DIP2C: variants seen among roughly 807,000 people sequenced by gnomAD.
The protein encoded by DIP2C is DIP2 acetate--CoA ligase C (putative).
DIP2C carries 33 observed loss-of-function variants against 192.4 expected under a neutral mutation model. The ratio of observed to expected loss-of-function variants is 0.17; its 90% CI spans 0.13 to 0.23. The LOEUF is 0.23. Ranked by LOEUF, DIP2C falls within the 10% of genes least tolerant of loss-of-function variation. The pLI, the probability that DIP2C is intolerant of heterozygous loss-of-function variation, is 1.00. For synonymous variants in DIP2C, 979 were observed against 864.1 expected, an observed-to-expected ratio of 1.13 and a Z score of -2.33; for missense variants, 1,537 against 2,110.1, an observed-to-expected ratio of 0.73 and a Z score of 5.32.
chr10:343,557 A>C (rs10795023), intron 28 of DIP2C, among the ~76,000 whole-genome samples: 2 of 152,234 alleles, frequency 1.3e-5, no homozygotes, highest in African/African-American at 2.4e-5. Flanking sequence ...AATTATTATA[A>C]AATGTAAAAT....
intron 1 of DIP2C, among the ~76,000 whole-genome samples, chr10:684,512 G>A (rs1831242239): frequency 6.6e-6 from 1 of 152,192 alleles, no homozygotes; most frequent in Non-Finnish European, 1.5e-5. Flanking sequence ...TCTTTTCAAT[G>A]AAAATAATGT....
At chr10:543,352 A>G (rs886147984) in intron 1 of DIP2C, among the ~76,000 whole-genome samples, 2 of 152,246 alleles carry the variant, frequency 1.3e-5, no homozygotes, top group African/African-American at 4.8e-5. Context: ...AGAAATGGGT[A>G]ACCCTGTTAG....
chr10:658,117 C>T (rs1856509645), intron 1 of DIP2C, among the ~76,000 whole-genome samples: 1 of 140,866 alleles, frequency 7.1e-6, no homozygotes, highest in African/African-American at 2.8e-5. Context: ...GGACCTGCCC[C>T]TGGACCTGCC....
chr10:663,677 T>C (rs1326749326), intron 1 of DIP2C: 1 of 152,248 alleles, frequency 6.6e-6, no homozygotes, highest in Non-Finnish European at 1.5e-5. Context: ...ATCCGGAAGC[T>C]TGTCTACTCG....
At chr10:330,977 A>G (rs1191611800) in intron 29 of DIP2C, among the ~76,000 whole-genome samples, 2 of 72,854 alleles carry the variant, frequency 2.7e-5, no homozygotes, top group African/African-American at 1.1e-4. Context: ...ATGCCTGGCT[A>G]ATTTTTTTTT....
chr10:456,683 G>A (rs1194936218), intron 3 of DIP2C, among the ~76,000 whole-genome samples: 1 of 152,190 alleles, frequency 6.6e-6, no homozygotes, highest in Non-Finnish European at 1.5e-5. Flanking sequence ...CCTGTCCACG[G>A]CCACCGTTTG....
chr10:359,595 C>T (rs930417470), intron 22 of DIP2C, among the ~76,000 whole-genome samples: 11 of 152,318 alleles, frequency 7.2e-5, no homozygotes, highest in African/African-American at 2.2e-4. Context: ...AGCCTTTTCA[C>T]ATTTAGCAAA....
intron 31 of DIP2C, among the ~76,000 whole-genome samples, chr10:310,822 C>A (rs1956536584): frequency 6.6e-6 from 1 of 152,142 alleles, no homozygotes; most frequent in Non-Finnish European, 1.5e-5. Flanking sequence ...ACGAAGGCTG[C>A]ATTACAAACC....
intron 22 of DIP2C, 67 bp downstream of exon 22, chr10:362,423 C>A: frequency 2.0e-6 from 3 of 1,536,992 alleles, no homozygotes; most frequent in Admixed American, 1.9e-5. Flanking sequence ...AACTCCCGCA[C>A]CTCCCAGTGC....
chr10:657,007 C>T (rs1182800829), intron 1 of DIP2C, among the ~76,000 whole-genome samples: 1 of 152,210 alleles, frequency 6.6e-6, no homozygotes, highest in Non-Finnish European at 1.5e-5. Context: ...GGAGTGGGTA[C>T]ATTTTCACAT....
chr10:554,274 TG>T (rs1431621161), intron 1 of DIP2C, among the ~76,000 whole-genome samples: 1 of 152,138 alleles, frequency 6.6e-6, no homozygotes, highest in East Asian at 1.9e-4. Context: ...TGCTTGTAAC[TG>T]TAAGAGTGGT....
intron 21 of DIP2C, among the ~76,000 whole-genome samples, chr10:362,970 T>TCC (rs1170552850): frequency 6.6e-6 from 1 of 152,068 alleles, no homozygotes; most frequent in African/African-American, 2.4e-5. Flanking sequence ...TACTTCGACC[T>TCC]CCCCAAGGTG....
intron 9 of DIP2C, among the ~76,000 whole-genome samples, chr10:404,151 C>T (rs1186145681): frequency 1.3e-5 from 2 of 152,026 alleles, no homozygotes; most frequent in Admixed American, 6.6e-5. Context: ...ATGTGTTCAT[C>T]AGCACGTGAA....
chr10:647,323 A>G (rs1855510151), intron 1 of DIP2C, among the ~76,000 whole-genome samples: 1 of 151,136 alleles, frequency 6.6e-6, no homozygotes, highest in African/African-American at 2.4e-5. Context: ...GGCGGGAGAG[A>G]ACAGAGGGAA....
chr10:462,058 A>G (rs748933823), intron 3 of DIP2C, among the ~76,000 whole-genome samples: 14 of 152,216 alleles, frequency 9.2e-5, no homozygotes, highest in Non-Finnish European at 1.6e-4. Flanking sequence ...ATAGCACTAA[A>G]TGCCCACAAG....
intron 3 of DIP2C, among the ~76,000 whole-genome samples, chr10:458,478 C>A (rs1378609130): frequency 6.6e-6 from 1 of 152,072 alleles, no homozygotes; most frequent in East Asian, 1.9e-4. Context: ...CCTGCCTCAC[C>A]GGCAGCGCGT....
intron 14 of DIP2C, among the ~76,000 whole-genome samples, chr10:385,401 A>G (rs1962808656): frequency 6.6e-6 from 1 of 152,262 alleles, no homozygotes; most frequent in Non-Finnish European, 1.5e-5. Flanking sequence ...TAAGTAATTT[A>G]AGTCCAAATC....
intron 17 of DIP2C, among the ~76,000 whole-genome samples, chr10:378,542 AAC>A (rs1282134538): frequency 6.6e-6 from 1 of 151,920 alleles, no homozygotes; most frequent in African/African-American, 2.4e-5. Flanking sequence ...GACACATGTG[AAC>A]ACATGCAGAC....
Position 327,300 on chromosome 10 carries a change from G to A in DIP2C, c.3754-124C>T, listed in dbSNP as rs1374949167. Reference sequence around the variant, plus strand: ...ACTCAACACAGCTATGCATTTCCAGGGCCACCTGTGTCCACTTCTTCAATA... The same window carrying A: ...ACTCAACACAGCTATGCATTTCCAGAGCCACCTGTGTCCACTTCTTCAATA... On this transcript the variant is annotated intron_variant, in intron 30 of 36. Transcript: ENST00000280886. The A allele has an allele frequency of 3.7e-6, 4 of 1,083,798 alleles. 1 individual carries two copies. Among genetic ancestry groups the A allele is most frequent in the South Asian group, 3.5e-5 (2 of 57,198 alleles). The allele number at this position is 1,083,798 out of a possible 1,614,324, so 67.1% of individuals were successfully genotyped here. A position where few individuals can be genotyped will look rare whatever the true frequency, so the allele number is the denominator to read the frequency against.
Sources: allele counts gnomAD v4.1 joint callset (sites outside exome capture counted in the v4.1 genomes callset), GRCh38; gene constraint gnomAD v4.1.1; transcripts MANE v1.5; gene names NCBI Gene and HGNC (gene_info 2026-07-23, HGNC 2026-07-21).